The following ZNF726 variants were observed in gnomAD, a reference collection of about 807,000 sequenced individuals.
ZNF726 encodes the protein zinc finger protein 726.
ZNF726 carries 15 observed loss-of-function variants against 11.6 expected under a neutral mutation model. The ratio of observed to expected loss-of-function variants is 1.29; its 90% confidence interval spans 0.86 to 1.99. The LOEUF (loss-of-function observed/expected upper bound fraction) is 1.99, where lower values mean the gene tolerates loss of function less well. Among genes scored for constraint, ZNF726 ranks in the 30% most tolerant of loss-of-function variants. ZNF726 has a pLI of 0.00. For missense variants in ZNF726, 890 were observed against 725.6 expected (o/e 1.23, Z -2.60); for synonymous variants, 295 against 243.6 (o/e 1.21, Z -1.96).
chr19:23,930,187 G>T (rs754019887), intron 3 of ZNF726, among the ~76,000 whole-genome samples: 1 of 152,046 alleles, frequency 6.6e-6, no homozygotes, highest in Non-Finnish European at 1.5e-5. Flanking sequence ...TTTTTAAAGA[G>T]AAATACATTT....
chr19:23,923,409 ATTTTTTT>A lies in ZNF726; in HGVS notation c.226+3341_226+3347del, dbSNP rs567346496. 8.7e-4 allele frequency: 291 copies of A among 334,488 alleles called. 1 individual carries two copies. The highest frequency in any genetic ancestry group is 6.9e-3 in the African/African-American group (270 of 39,240). 20.7% of individuals were successfully genotyped at this position (334,488 alleles called of 1,614,324 possible). A position where few individuals can be genotyped will look rare whatever the true frequency, so the allele number is the denominator to read the frequency against. Reference sequence around the variant, plus strand: ...TATTGCCATACAATAGATGCCAGTAATTTTTTTTTTTTTTTTTTTTGAGATGGAGTCT... The same window carrying A: ...TATTGCCATACAATAGATGCCAGTAATTTTTTTTTTTTTGAGATGGAGTCT... On this transcript the variant is annotated intron_variant, in intron 3 of 3. Transcript: ENST00000594466.
intron 3 of ZNF726, among the ~76,000 whole-genome samples, chr19:23,927,345 C>G (rs966363361): frequency 2.0e-5 from 3 of 152,024 alleles, no homozygotes; most frequent in Non-Finnish European, 4.4e-5. Context: ...TATTCCTGAG[C>G]AAAAATATGT....
At chr19:23,919,871 G>A (rs1376306944) in intron 2 of ZNF726, 116 bp from the exon 3 acceptor site, 4 of 572,138 alleles carry the variant, frequency 7.0e-6, no homozygotes, top group East Asian at 5.1e-5. Context: ...TTATAAATTA[G>A]TATATGGGAT....
chr19:23,940,432 T>G (rs1968319997), intron 3 of ZNF726, among the ~76,000 whole-genome samples: 1 of 152,158 alleles, frequency 6.6e-6, no homozygotes, highest in Admixed American at 6.5e-5. Flanking sequence ...AATCAGGTAG[T>G]GTGGTGCCTC....
chr19:23,922,496 G>A (rs1967877631), intron 3 of ZNF726, among the ~76,000 whole-genome samples: 1 of 152,174 alleles, frequency 6.6e-6, no homozygotes, highest in South Asian at 2.1e-4. Flanking sequence ...CTGCCCATTG[G>A]CTCCCAAGAC....
At chr19:23,925,566 G>A (rs1967964772) in intron 3 of ZNF726, among the ~76,000 whole-genome samples, 2 of 152,068 alleles carry the variant, frequency 1.3e-5, no homozygotes, top group Admixed American at 1.3e-4. Flanking sequence ...TTAAATGAGT[G>A]TGAGGGGATT....
intron 1 of ZNF726, among the ~76,000 whole-genome samples, chr19:23,917,046 C>T (rs1053782937): frequency 7.9e-5 from 12 of 152,166 alleles, no homozygotes; most frequent in Non-Finnish European, 1.6e-4. Flanking sequence ...CAAATCCTGA[C>T]TTCAGGTGAT....
At chr19:23,915,579 T>C (rs991469858) in intron 1 of ZNF726, among the ~76,000 whole-genome samples, 2 of 152,054 alleles carry the variant, frequency 1.3e-5, no homozygotes, top group African/African-American at 4.8e-5. Flanking sequence ...TGTTGTTGTT[T>C]TGTTTTCATT....
intron 3 of ZNF726, among the ~76,000 whole-genome samples, chr19:23,925,937 G>A (rs1213971541): frequency 1.3e-5 from 2 of 151,058 alleles, no homozygotes; most frequent in Non-Finnish European, 3.0e-5. Context: ...GGATGGTCTG[G>A]AACACCTGTC....
At chr19:23,918,843 G>A (rs1967769189) in intron 1 of ZNF726, among the ~76,000 whole-genome samples, 1 of 151,646 alleles carries the variant, frequency 6.6e-6, no homozygotes, top group Non-Finnish European at 1.5e-5. Flanking sequence ...CTTACTGGAT[G>A]TTTGACAAAA....
At chr19:23,937,276 C>T (rs555991130), downstream of ZNF726, among the ~76,000 whole-genome samples, 13,112 of 149,354 alleles carry the variant, frequency 0.088, 674 homozygotes, top group Non-Finnish European at 0.096. Context: ...GCTGGCCGGG[C>T]GGGGGGCTGA....
intron 1 of ZNF726, among the ~76,000 whole-genome samples, chr19:23,915,779 A>G (rs1354494203): frequency 6.6e-6 from 1 of 151,760 alleles, no homozygotes; most frequent in East Asian, 1.9e-4. Flanking sequence ...CGGGGGTTTC[A>G]CCGTGTTGGT....
rs1455637465 is a variant in ZNF726 at position 23,934,169 on chromosome 19, A to G, written c.*202A>G. On this transcript the variant is annotated 3_prime_UTR_variant, in exon 4 of 4. Coordinates refer to ENST00000594466, the MANE Select transcript of ZNF726 (RefSeq NM_001244038.2). ...TGTGAAGAATGTGGGAAAGCTTTTA[A>G]TCATTCTCAAATCTTACTACACATA... is the stretch of plus-strand genomic sequence containing the variant. The G allele has an allele frequency of 3.5e-6, 3 of 845,566 alleles. No homozygotes were observed. Among genetic ancestry groups the G allele is most frequent in the South Asian group, 2.8e-5 (2 of 71,726 alleles). 52.4% of individuals were successfully genotyped at this position (845,566 alleles called of 1,614,324 possible).
intron 1 of ZNF726, among the ~76,000 whole-genome samples, chr19:23,918,059 G>T (rs1437274490): frequency 2.0e-5 from 3 of 152,114 alleles, no homozygotes; most frequent in African/African-American, 7.2e-5. Flanking sequence ...GCAGGAATGC[G>T]GTTATACCTG....
chr19:23,937,593 C>G (rs199797240), downstream of ZNF726, among the ~76,000 whole-genome samples: 26,177 of 150,498 alleles, frequency 0.17, 2,335 homozygotes, highest in East Asian at 0.21. Flanking sequence ...GGATGGCGGC[C>G]GGGAAGAGGC....
intron 3 of ZNF726, among the ~76,000 whole-genome samples, chr19:23,942,526 CT>C (rs1968354583): frequency 6.6e-6 from 1 of 152,184 alleles, no homozygotes; most frequent in Non-Finnish European, 1.5e-5. Flanking sequence ...TACTTTCTGT[CT>C]TAATGATCTG....
chr19:23,940,020 T>G (rs1313655775), intron 3 of ZNF726, among the ~76,000 whole-genome samples: 2 of 152,092 alleles, frequency 1.3e-5, no homozygotes, highest in African/African-American at 4.8e-5. Context: ...CAAAACCTCT[T>G]TAGTTTAATT....
intron 3 of ZNF726, among the ~76,000 whole-genome samples, chr19:23,931,607 G>C (rs1012631040): frequency 1.3e-5 from 2 of 152,032 alleles, no homozygotes; most frequent in Admixed American, 1.3e-4. Context: ...AAATCTACCT[G>C]TCAAAATTTT....
chr19:23,941,694 G>T (rs541174946), intron 3 of ZNF726, among the ~76,000 whole-genome samples: 211 of 151,990 alleles, frequency 1.4e-3, no homozygotes, highest in Non-Finnish European at 2.2e-3. Context: ...CCTGATTTAA[G>T]CTAGGAGGGT....
Sources: gnomAD v4.1 joint callset for allele counts (sites outside exome capture counted in the v4.1 genomes callset) on GRCh38, gnomAD v4.1.1 for gene constraint, MANE v1.5 for transcripts, NCBI Gene and HGNC (gene_info 2026-07-23, HGNC 2026-07-21) for gene names.